Variants in CAMKK2 observed in about 807,000 individuals in gnomAD.
CAMKK2 encodes the protein calcium/calmodulin-dependent protein kinase kinase 2.
In CAMKK2, 30 loss-of-function variants were observed where a neutral mutation model predicts 67.2. That is an observed-to-expected ratio of 0.45 (90% CI 0.33 to 0.61). The LOEUF is 0.61. CAMKK2 is among the 20% of genes least tolerant of loss of function. CAMKK2 has a pLI of 0.02. For missense variants in CAMKK2, 643 were observed against 802.0 expected (o/e 0.80, Z 2.39); for synonymous variants, 322 against 326.2 (o/e 0.99, Z 0.14).
intron 4 of CAMKK2, 104 bp from the exon 5 acceptor site, chr12:121,268,793 C>T (rs1258687018): frequency 3.3e-5 from 35 of 1,071,732 alleles, no homozygotes; most frequent in Non-Finnish European, 4.9e-5. Context: ...CAAAGCCGGC[C>T]CAAGCTCCTG....
chr12:121,244,242 G>T, intron 16 of CAMKK2: 1 of 1,137,718 alleles, frequency 8.8e-7, no homozygotes, highest in South Asian at 1.3e-5. Context: ...GGGCACCCAT[G>T]GGCCCTGTGA....
Position 121,240,535 on chromosome 12 carries a change from T to G in CAMKK2, c.*164A>C, listed in dbSNP as rs1473144909. 1 of 1,534,628 alleles carries G rather than the reference T, an allele frequency of 6.5e-7. No homozygotes were observed. The highest frequency in any genetic ancestry group is 1.4e-5 in the African/African-American group (1 of 72,806). ...CATGGAGTCAAGTCCTTTTTTTTTT[T>G]TTGTCCCCTTTAAAACAACAAAGGA... is the stretch of plus-strand genomic sequence containing the variant. On this transcript the variant is annotated 3_prime_UTR_variant, in exon 17 of 17. Transcript: ENST00000404169. The surrounding 1 kb of genome is among the most constrained non-coding windows in gnomAD (Gnocchi z 4.4).
rs1325916774 is a variant in CAMKK2 at position 121,245,413 on chromosome 12, G to A, written c.1453-173C>T. Among the ~76,000 whole-genome samples the A allele has an allele frequency of 6.6e-6, 1 of 152,146 alleles. No homozygotes were observed. Among genetic ancestry groups the A allele is most frequent in the African/African-American group, 2.4e-5 (1 of 41,418 alleles). On this transcript the variant is annotated intron_variant, in intron 14 of 16. Coordinates refer to ENST00000404169, the MANE Select transcript of CAMKK2 (RefSeq NM_001270485.2). The surrounding 1 kb of genome is among the most constrained non-coding windows in gnomAD (Gnocchi z 5.8). ...CACCACCCCGCAACCAACCCCCGCC[G>A]AAAGAATCCTCTGGGAAAAGGTGCT...
rs558769530 is a variant in CAMKK2, at chr12:121,245,753, A to G, written c.1453-513T>C. Among the ~76,000 whole-genome samples the G allele has an allele frequency of 6.6e-6, 1 of 152,362 alleles. No individual in the cohort carries two copies. The highest frequency in any genetic ancestry group is 2.1e-4 in the South Asian group (1 of 4,832). On this transcript the variant is annotated intron_variant, in intron 14 of 16. Coordinates refer to ENST00000404169, the MANE Select transcript of CAMKK2 (RefSeq NM_001270485.2). This position sits in a 1 kb window ranked among gnomAD's most constrained non-coding sequence, Gnocchi z 5.8. ...CCAACCAGGGCACGGTGCCCCTTCAAGCTGTTTTGGGAATTCACAGAGCTT... is the reference window on the plus strand; with the variant it reads ...CCAACCAGGGCACGGTGCCCCTTCAGGCTGTTTTGGGAATTCACAGAGCTT...
chr12:121,289,621 G>C (rs1014983406), intron 1 of CAMKK2, among the ~76,000 whole-genome samples: 1 of 152,184 alleles, frequency 6.6e-6, no homozygotes, highest in Admixed American at 6.5e-5. Context: ...AGTTGGGAGC[G>C]ATGGCTCATG....
intron 1 of CAMKK2, among the ~76,000 whole-genome samples, chr12:121,286,436 A>T (rs1898751683): frequency 6.6e-6 from 1 of 152,230 alleles, no homozygotes. Flanking sequence ...AGTGATACTA[A>T]TGGTTAGCCT....
rs116627499 is a variant in CAMKK2 at position 121,271,618 on chromosome 12, T to G, written c.472-673A>C. Among the ~76,000 whole-genome samples, 552 of 152,298 alleles carry G rather than the reference T, an allele frequency of 3.6e-3. 5 individuals are homozygous for G. The highest frequency in any genetic ancestry group is 0.017 in the Middle Eastern group (5 of 294). ...CAAGAAAAGCAAGTCTGTGCAACCTTGGGGTAGACAAGGGTTTCTTAGATA... is the reference window on the plus strand; with the variant it reads ...CAAGAAAAGCAAGTCTGTGCAACCTGGGGGTAGACAAGGGTTTCTTAGATA... On this transcript the variant is annotated intron_variant, in intron 2 of 16. Coordinates refer to ENST00000404169, the MANE Select transcript of CAMKK2 (RefSeq NM_001270485.2).
At chr12:121,289,182 A>T (rs554208867) in intron 1 of CAMKK2, among the ~76,000 whole-genome samples, 6 of 152,236 alleles carry the variant, frequency 3.9e-5, no homozygotes, top group African/African-American at 1.4e-4. Context: ...CAGCTTTCCA[A>T]AAAGCGAGCC....
chr12:121,262,517 A>G (rs1266576800), intron 6 of CAMKK2, among the ~76,000 whole-genome samples: 1 of 152,026 alleles, frequency 6.6e-6, no homozygotes, highest in African/African-American at 2.4e-5. Flanking sequence ...GTCTCAAAAA[A>G]AAAAAAATGT....
chr12:121,281,464 C>T (rs1039355794), intron 1 of CAMKK2, among the ~76,000 whole-genome samples: 2 of 152,272 alleles, frequency 1.3e-5, no homozygotes, highest in Admixed American at 6.5e-5. Context: ...GGCTCAGCCA[C>T]ACCCTGTCTC....
intron 2 of CAMKK2, among the ~76,000 whole-genome samples, chr12:121,273,555 C>A (rs1224550156): frequency 6.6e-6 from 1 of 152,092 alleles, no homozygotes; most frequent in African/African-American, 2.4e-5. Flanking sequence ...CCAGGCGGGT[C>A]GTCGCCAGGC....
chr12:121,258,022 CTTTTTTTTTTT>C (rs5801429), intron 7 of CAMKK2, among the ~76,000 whole-genome samples: 1 of 120,096 alleles, frequency 8.3e-6, no homozygotes, highest in East Asian at 2.3e-4. Context: ...GAGTTTTCTA[CTTTTTTTTTTT>C]TTTTTTTTTG....
intron 11 of CAMKK2, among the ~76,000 whole-genome samples, chr12:121,250,756 G>A (rs994931425): frequency 6.6e-5 from 10 of 152,184 alleles, no homozygotes; most frequent in East Asian, 1.9e-4. Flanking sequence ...CGGACTCTCC[G>A]TGCCTAGGAG....
intron 1 of CAMKK2, among the ~76,000 whole-genome samples, chr12:121,291,306 A>AG (rs1899971135): frequency 6.6e-6 from 1 of 152,210 alleles, no homozygotes; most frequent in East Asian, 1.9e-4. Flanking sequence ...TCATTAACTG[A>AG]GGGGCTACAG....
chr12:121,267,162 T>C (rs948121788), intron 5 of CAMKK2, among the ~76,000 whole-genome samples: 23 of 139,170 alleles, frequency 1.7e-4, no homozygotes, highest in Non-Finnish European at 2.9e-4. Flanking sequence ...CAGGCTGGAG[T>C]GCAGTGGCGC....
Position 121,270,964 on chromosome 12 carries a change from C to T in CAMKK2, c.472-19G>A. 1 of 1,610,538 alleles carries T rather than the reference C, an allele frequency of 6.2e-7. No individual in the cohort carries two copies. The highest frequency in any genetic ancestry group is 1.1e-5 in the South Asian group (1 of 90,942). ...CACAGTCCTAGAGAGTAAGGAGAGA[C>T]ACGTGCAAAATGAATTTTAAGTTTG... On this transcript the variant is annotated intron_variant, in intron 2 of 16. Transcript: ENST00000404169.
At chr12:121,277,613 A>G (rs1897049021) in intron 1 of CAMKK2, among the ~76,000 whole-genome samples, 1 of 152,200 alleles carries the variant, frequency 6.6e-6, no homozygotes, top group Non-Finnish European at 1.5e-5. Flanking sequence ...CGCTAAGTGA[A>G]GCAAGCCAGA....
rs775286615 is a variant in CAMKK2, at chr12:121,253,376, T to C, written c.1004A>G (p.Asn335Ser). ...HIKIADFGVS[N>S]EFKGSDALLS... is the part of the protein sequence containing the mutation. ...GAGCGCGTCACTGCCCTTGAATTCA[T>C]TGCTCACACCAAAGTCAGCGATCTT... The change falls in exon 10 of 17, where the codon AAT becomes AGT. Residue 335 changes from asparagine (N) to serine (S), a missense_variant. By Grantham distance (46) the Asn-to-Ser change is conservative (BLOSUM62 1). Transcript: ENST00000404169. This position sits in a 1 kb window ranked among gnomAD's most constrained non-coding sequence, Gnocchi z 5.0. The C allele has an allele frequency of 1.9e-6, 3 of 1,614,190 alleles. No individual in the cohort carries two copies. The highest frequency in any genetic ancestry group is 1.3e-5 in the African/African-American group (1 of 75,064).
In CAMKK2 at chr12:121,239,062, TAC is replaced by T. The variant is rs1887951018; in HGVS notation, c.*1635_*1636del. 1 of 152,356 alleles carries T rather than the reference TAC, an allele frequency of 6.6e-6. No homozygotes were observed. The highest frequency in any genetic ancestry group is 2.4e-5 in the African/African-American group (1 of 41,574). The allele number at this position is 152,356 out of a possible 1,614,324, so 9.4% of individuals were successfully genotyped here. A position where few individuals can be genotyped will look rare whatever the true frequency, so the allele number is the denominator to read the frequency against. On this transcript the variant is annotated 3_prime_UTR_variant, in exon 17 of 17. Coordinates refer to ENST00000404169, the MANE Select transcript of CAMKK2 (RefSeq NM_001270485.2). ...GATAGCAAAACAAGTCTGGCTAAAC[TAC>T]AGTCAAGAGCTTAGGATCTATGGAA...
Sources: allele counts gnomAD v4.1 joint callset (sites outside exome capture counted in the v4.1 genomes callset), GRCh38; gene constraint gnomAD v4.1.1; non-coding constraint Gnocchi (gnomAD v3.1); transcripts MANE v1.5; gene names NCBI Gene and HGNC (gene_info 2026-07-23, HGNC 2026-07-21).